Variants in MTOR observed in about 807,000 individuals in gnomAD.
The protein encoded by MTOR is serine/threonine-protein kinase mTOR.
MTOR carries 70 observed loss-of-function variants against 319.8 expected under a neutral mutation model. The observed-to-expected ratio is 0.22, with a 90% confidence interval of 0.18 to 0.27. The LOEUF is 0.27. Among genes scored for constraint, MTOR ranks in the 10% least tolerant of loss-of-function variants. MTOR has a pLI of 1.00. For synonymous variants in MTOR, 1,183 were observed against 1,211.4 expected (o/e 0.98, Z 0.49); for missense variants, 1,890 against 3,274.4 (o/e 0.58, Z 10.32).
chr1:11,216,160 G>A lies in MTOR; in HGVS notation c.3105C>T (p.Val1035=), dbSNP rs753917747. The A allele has an allele frequency of 6.2e-7, 1 of 1,613,256 alleles. No individual in the cohort carries two copies. The highest frequency in any genetic ancestry group is 8.5e-7 in the Non-Finnish European group (1 of 1,179,264). Residue 1035 remains valine (V), a synonymous_variant, in exon 20 of 58, where the codon GTC becomes GTT. Transcript: ENST00000361445. ...SHIRPYMDEI[V]TLMREFWVMN... ...AACTTCTACTCACTCTCATGAGGGTGACTATTTCATCCATATAAGGTCTGA... is the reference window on the plus strand; with the variant it reads ...AACTTCTACTCACTCTCATGAGGGTAACTATTTCATCCATATAAGGTCTGA...
At chr1:11,137,448 T>C (rs1182046934) in intron 36 of MTOR, among the ~76,000 whole-genome samples, 3 of 152,306 alleles carry the variant, frequency 2.0e-5, no homozygotes, top group South Asian at 2.1e-4. Context: ...TTATCCAGCA[T>C]AAGAGAATCC....
At chr1:11,172,134 G>A (rs1423475427) in intron 28 of MTOR, among the ~76,000 whole-genome samples, 3 of 150,916 alleles carry the variant, frequency 2.0e-5, no homozygotes, top group Non-Finnish European at 4.4e-5. Context: ...AGAGCTCAGT[G>A]GGCAGGAAAG....
At chr1:11,246,880 G>A (rs145456225) in intron 8 of MTOR, among the ~76,000 whole-genome samples, 1 of 152,332 alleles carries the variant, frequency 6.6e-6, no homozygotes, top group Non-Finnish European at 1.5e-5. Context: ...GAAGTAGCTT[G>A]AGGAGGCTGT....
chr1:11,237,773 T>G, intron 13 of MTOR, 70 bp downstream of exon 13: 1 of 1,553,872 alleles, frequency 6.4e-7, no homozygotes, highest in Non-Finnish European at 8.9e-7. Context: ...TCAACTCCGC[T>G]TCCTCAAGCA....
At chr1:11,227,675 G>C (rs370260136) in intron 19 of MTOR, among the ~76,000 whole-genome samples, 2 of 152,056 alleles carry the variant, frequency 1.3e-5, no homozygotes, top group Non-Finnish European at 2.9e-5. Flanking sequence ...AGAGTGAGAG[G>C]TGGGGGAGGG....
At chr1:11,163,565 G>C (rs1421838541) in intron 29 of MTOR, among the ~76,000 whole-genome samples, 1 of 151,010 alleles carries the variant, frequency 6.6e-6, no homozygotes, top group Non-Finnish European at 1.5e-5. Flanking sequence ...TAAAAGAACA[G>C]AAATTATAAC....
At chr1:11,172,227 A>G (rs1387514734) in intron 28 of MTOR, among the ~76,000 whole-genome samples, 1 of 152,098 alleles carries the variant, frequency 6.6e-6, no homozygotes, top group Non-Finnish European at 1.5e-5. Context: ...GATCCATGAT[A>G]AGCTCTTATT....
chr1:11,260,873 T>G (rs1218275256), intron 1 of MTOR, among the ~76,000 whole-genome samples: 1 of 149,336 alleles, frequency 6.7e-6, no homozygotes, highest in Non-Finnish European at 1.5e-5. Flanking sequence ...CACTGCAACA[T>G]CCACCTCCCG....
intron 9 of MTOR, among the ~76,000 whole-genome samples, chr1:11,241,953 G>A (rs1225819456): frequency 6.6e-6 from 1 of 152,216 alleles, no homozygotes; most frequent in Non-Finnish European, 1.5e-5. Flanking sequence ...ATGGGTTATT[G>A]TGGTGCTCAC....
At chr1:11,226,141 A>G (rs1374723273) in intron 19 of MTOR, 3 of 152,186 alleles carry the variant, frequency 2.0e-5, no homozygotes, top group Non-Finnish European at 4.4e-5. Flanking sequence ...TTAACACATT[A>G]AAAGAGAAAA....
In MTOR at chr1:11,237,923, G is replaced by C. The variant is rs770434848; in HGVS notation, c.2128C>G (p.Leu710Val). Residue 710 changes from leucine (L) to valine (V), a missense_variant, in exon 13 of 58, where the codon CTG becomes GTG. Coordinates refer to ENST00000361445, the MANE Select transcript of MTOR (RefSeq NM_004958.4). ...LNDQVFEIRELAICTVGRLSS... is the reference protein window; with the variant it reads ...LNDQVFEIREVAICTVGRLSS... ...AGTCGGCCCACAGTGCAGATGGCCA[G>C]CTCCCGGATCTCAAACACCTGGTCA... The C allele has an allele frequency of 2.5e-6, 4 of 1,614,166 alleles. No individual in the cohort carries two copies. The Admixed American group carries it at 6.7e-5, about 27-fold the overall frequency.
At chr1:11,116,096 T>C (rs1476893631) in intron 50 of MTOR, among the ~76,000 whole-genome samples, 1 of 152,236 alleles carries the variant, frequency 6.6e-6, no homozygotes, top group Non-Finnish European at 1.5e-5. Flanking sequence ...AGAAAAACAG[T>C]AGACATCAGA....
chr1:11,145,479 T>A (rs1305714414), intron 32 of MTOR, among the ~76,000 whole-genome samples: 1 of 151,750 alleles, frequency 6.6e-6, no homozygotes, highest in Non-Finnish European at 1.5e-5. Context: ...CGGGTTCAAG[T>A]GATTCTCTTG....
At chr1:11,229,809 G>T (rs1376181665) in intron 18 of MTOR, among the ~76,000 whole-genome samples, 2 of 151,764 alleles carry the variant, frequency 1.3e-5, no homozygotes, top group Admixed American at 6.6e-5. Flanking sequence ...TTGTCAAAAG[G>T]CAACGGGCTA....
intron 9 of MTOR, 119 bp from the exon 10 acceptor site, chr1:11,241,800 T>C (rs1053698305): frequency 8.8e-7 from 1 of 1,141,620 alleles, no homozygotes; most frequent in African/African-American, 1.5e-5. Context: ...CAGATGGGTA[T>C]GCAAATTGTC....
At chr1:11,234,569 A>T (rs1300799050) in intron 13 of MTOR, among the ~76,000 whole-genome samples, 5 of 152,234 alleles carry the variant, frequency 3.3e-5, no homozygotes. Context: ...GCCAGAGAAG[A>T]CTGAGAAAAC....
At chr1:11,157,031 AAGT>A in intron 30 of MTOR, 118 bp downstream of exon 30, 1 of 1,258,426 alleles carries the variant, frequency 7.9e-7, no homozygotes, top group Non-Finnish European at 1.1e-6. Flanking sequence ...GAGAAGTATC[AAGT>A]GGAACAAAAT....
Position 11,247,626 on chromosome 1 carries a change from T to A in MTOR, c.1224A>T (p.Thr408=), listed in dbSNP as rs2100938792. ...RLAAFRPSAF[T]DTQYLQDTMN... is the part of the protein sequence containing the mutation. ...GATGTCTTCCATGGACATCCTCACC[T>A]GTGAAGGCAGAAGGTCGGAATGCAG... The change falls in exon 8 of 58, where the codon ACA becomes ACT. Residue 408 remains threonine, a splice_region_variant and synonymous_variant. Transcript: ENST00000361445. The A allele has an allele frequency of 1.9e-6, 3 of 1,613,898 alleles. No individual in the cohort carries two copies. The highest frequency in any genetic ancestry group is 2.5e-6 in the Non-Finnish European group (3 of 1,179,830).
chr1:11,240,372 G>A lies in MTOR; in HGVS notation c.1717C>T (p.Leu573Phe), dbSNP rs1447843966. Residue 573 changes from leucine (L) to phenylalanine (F), a missense_variant, in exon 11 of 58, where the codon CTC (leucine) becomes TTC (phenylalanine). This residue lies in a region of MTOR where 418 missense variants were observed against 543.1 expected (regional missense o/e 0.77). Transcript: ENST00000361445. ...CTGCCCACATCGCTGGCCTCAGGGA[G>A]GGTCGTGAGGCCAGGAGAGGCCAGC... The part of the protein sequence containing the change: ...HQLASPGLTT[L>F]PEASDVGSIT... The A allele has an allele frequency of 1.1e-5, 18 of 1,613,888 alleles. No individual in the cohort carries two copies. The East Asian group carries it at 3.6e-4, about 32-fold the overall frequency.
Sources: allele counts gnomAD v4.1 joint callset (sites outside exome capture counted in the v4.1 genomes callset), GRCh38; gene constraint gnomAD v4.1.1; regional missense constraint gnomAD v4.1.1; transcripts MANE v1.5; gene names NCBI Gene and HGNC (gene_info 2026-07-23, HGNC 2026-07-21).